Variants in SDK1 observed in about 807,000 individuals in gnomAD.
SDK1 encodes protein sidekick-1.
In SDK1, 157 loss-of-function variants were observed where a neutral mutation model predicts 245.5. The observed-to-expected ratio is 0.64, with a 90% CI of 0.56 to 0.73. The LOEUF is 0.73. Among genes scored for constraint, SDK1 ranks in the 30% least tolerant of loss-of-function variants. The probability of loss-of-function intolerance (pLI) is 0.00; values close to 1 mark genes in which losing one functional copy is unlikely to be tolerated. For synonymous variants in SDK1, 1,647 were observed against 1,278.5 expected (o/e 1.29, Z -6.15); for missense variants, 3,583 against 3,002.3 (o/e 1.19, Z -4.52).
rs1782563077 is a variant in SDK1 at position 3,639,072 on chromosome 7, G to C, written c.527G>C (p.Gly176Ala). Residue 176 changes from glycine (G) to alanine (A), a missense_variant, in exon 3 of 45, where the codon GGA (glycine) becomes GCA (alanine). Physicochemically the swap from Gly to Ala is moderately conservative, Grantham distance 60. Coordinates refer to ENST00000404826, the MANE Select transcript of SDK1 (RefSeq NM_152744.4). The stretch of plus-strand genomic sequence containing the variant: ...CGCTGCGTGGTGCGAAACAGAATGG[G>C]AGCACTCCTGCAAAGAAAATCAGAA... Reference protein sequence around the residue: ...FYRCVVRNRMGALLQRKSEVQ... With the variant: ...FYRCVVRNRMAALLQRKSEVQ... 6.2e-7 allele frequency: 1 copy of C among 1,603,012 alleles called. No individual in the cohort carries two copies. The highest frequency in any genetic ancestry group is 1.7e-4 in the Middle Eastern group (1 of 6,004).
At chr7:3,805,725 A>C (rs1164004716) in intron 4 of SDK1, among the ~76,000 whole-genome samples, 1 of 152,178 alleles carries the variant, frequency 6.6e-6, no homozygotes, top group African/African-American at 2.4e-5. Context: ...AAACACATCT[A>C]GTGCTAGTCT....
At chr7:3,563,616 A>C (rs1779816879) in intron 1 of SDK1, among the ~76,000 whole-genome samples, 1 of 152,220 alleles carries the variant, frequency 6.6e-6, no homozygotes, top group Non-Finnish European at 1.5e-5. Context: ...GAAATTTTTA[A>C]CACACTGTTC....
At chr7:4,048,693 T>A (rs1789209066) in intron 17 of SDK1, among the ~76,000 whole-genome samples, 1 of 152,214 alleles carries the variant, frequency 6.6e-6, no homozygotes, top group Non-Finnish European at 1.5e-5. Context: ...AGTTTGCTGC[T>A]CTGCAGAGCA....
intron 1 of SDK1, among the ~76,000 whole-genome samples, chr7:3,534,291 G>A (rs1160114193): frequency 6.6e-6 from 1 of 151,882 alleles, no homozygotes; most frequent in East Asian, 1.9e-4. Flanking sequence ...CCATTCATCT[G>A]TCACCAGGCA....
chr7:3,399,961 C>G (rs1469112370), intron 1 of SDK1, among the ~76,000 whole-genome samples: 1 of 152,054 alleles, frequency 6.6e-6, no homozygotes, highest in Non-Finnish European at 1.5e-5. Context: ...GACAAATGCC[C>G]TAGGGTAGAG....
intron 2 of SDK1, among the ~76,000 whole-genome samples, chr7:3,621,154 A>G (rs1413542169): frequency 2.0e-5 from 3 of 152,196 alleles, no homozygotes; most frequent in Non-Finnish European, 2.9e-5. Flanking sequence ...AGCATTATAC[A>G]TTATTACCAT....
intron 1 of SDK1, among the ~76,000 whole-genome samples, chr7:3,585,471 A>C (rs1017635571): frequency 6.6e-6 from 1 of 152,210 alleles, no homozygotes; most frequent in African/African-American, 2.4e-5. Context: ...AACATTAAGC[A>C]TGGAAAGAGA....
At chr7:4,092,077 A>AT (rs1781842597) in intron 22 of SDK1, among the ~76,000 whole-genome samples, 1 of 152,198 alleles carries the variant, frequency 6.6e-6, no homozygotes, top group Admixed American at 6.5e-5. Context: ...TCCCAGCTCC[A>AT]TCACTTTCTA....
intron 1 of SDK1, among the ~76,000 whole-genome samples, chr7:3,393,828 G>C (rs1451715284): frequency 1.3e-5 from 2 of 152,104 alleles, no homozygotes; most frequent in African/African-American, 2.4e-5. Context: ...TGTTTCTTAA[G>C]GATTGTTCAC....
intron 25 of SDK1, 73 bp downstream of exon 25, chr7:4,114,347 T>A: frequency 8.1e-7 from 1 of 1,228,316 alleles, no homozygotes; most frequent in Non-Finnish European, 1.1e-6. Flanking sequence ...AGCCTCCAGA[T>A]CCCAGGCTAG....
intron 3 of SDK1, among the ~76,000 whole-genome samples, chr7:3,640,385 C>G (rs929673234): frequency 1.3e-5 from 2 of 152,104 alleles, no homozygotes; most frequent in Admixed American, 1.3e-4. Flanking sequence ...AAAATAATAT[C>G]TAGTTATTTT....
chr7:4,142,431 C>A (rs1215876590), intron 28 of SDK1, among the ~76,000 whole-genome samples: 1 of 152,046 alleles, frequency 6.6e-6, no homozygotes, highest in African/African-American at 2.4e-5. Context: ...CGGGTTCAAG[C>A]GATTCTCCTG....
chr7:3,321,064 C>G (rs527600396), intron 1 of SDK1, among the ~76,000 whole-genome samples: 1 of 152,160 alleles, frequency 6.6e-6, no homozygotes, highest in Non-Finnish European at 1.5e-5. Flanking sequence ...GGATGTCTTG[C>G]AATCCTAAAA....
At chr7:3,508,329 T>TC (rs1782464239) in intron 1 of SDK1, among the ~76,000 whole-genome samples, 1 of 97,538 alleles carries the variant, frequency 1.0e-5, no homozygotes, top group African/African-American at 3.7e-5. Context: ...TCTTCTTCTT[T>TC]TTTTTTTTTT....
At chr7:4,050,960 ACTATATATGTTATATATATG>A (rs1252772243) in intron 18 of SDK1, among the ~76,000 whole-genome samples, 14 of 141,718 alleles carry the variant, frequency 9.9e-5, no homozygotes, top group South Asian at 2.1e-4. Flanking sequence ...TATTATATAT[ACTATATATGTTATATATATG>A]CTATATATGT....
chr7:3,833,998 T>A (rs1292550727), intron 5 of SDK1, among the ~76,000 whole-genome samples: 1 of 152,180 alleles, frequency 6.6e-6, no homozygotes, highest in Non-Finnish European at 1.5e-5. Context: ...ATTTTGAATA[T>A]CATCTCAACC....
intron 5 of SDK1, among the ~76,000 whole-genome samples, chr7:3,910,957 C>T (rs1307851804): frequency 6.6e-6 from 1 of 152,190 alleles, no homozygotes; most frequent in Admixed American, 6.5e-5. Context: ...CAAGCTCAGG[C>T]GTGCTGCTCT....
intron 1 of SDK1, among the ~76,000 whole-genome samples, chr7:3,604,185 A>G (rs1222411244): frequency 6.6e-6 from 1 of 152,156 alleles, no homozygotes; most frequent in Non-Finnish European, 1.5e-5. Flanking sequence ...TATCAGGATG[A>G]TGTTGGCCTC....
At chr7:3,874,416 C>T (rs906389065) in intron 5 of SDK1, among the ~76,000 whole-genome samples, 2 of 152,164 alleles carry the variant, frequency 1.3e-5, no homozygotes, top group African/African-American at 4.8e-5. Context: ...GTGTGCAGGT[C>T]ATGTGTGTGC....
Sources: gnomAD v4.1 joint callset for allele counts (sites outside exome capture counted in the v4.1 genomes callset) on GRCh38, gnomAD v4.1.1 for gene constraint, MANE v1.5 for transcripts, NCBI Gene and HGNC (gene_info 2026-07-23, HGNC 2026-07-21) for gene names.